Variants in NRP1 observed in about 807,000 individuals in gnomAD.
The protein encoded by NRP1 is neuropilin-1.
Under a neutral mutation model 106.7 loss-of-function variants are expected in NRP1, and 35 were observed. The ratio of observed to expected loss-of-function variants is 0.33; its 90% confidence interval spans 0.25 to 0.43. The LOEUF is 0.43. Ranked by LOEUF, NRP1 falls within the 20% of genes least tolerant of loss-of-function variation. NRP1 has a pLI of 1.00. For synonymous variants in NRP1, 437 were observed against 417.9 expected, an observed-to-expected ratio of 1.05 and a Z score of -0.56; for missense variants, 1,024 against 1,170.4, an observed-to-expected ratio of 0.87 and a Z score of 1.83.
chr10:33,223,897 C>T (rs1839450812), intron 7 of NRP1, among the ~76,000 whole-genome samples: 1 of 152,128 alleles, frequency 6.6e-6, no homozygotes, highest in Non-Finnish European at 1.5e-5. Flanking sequence ...GAGTTGTGTG[C>T]CCTGGTGCAG....
intron 6 of NRP1, among the ~76,000 whole-genome samples, chr10:33,244,208 C>G (rs562295375): frequency 6.6e-6 from 1 of 152,226 alleles, no homozygotes; most frequent in African/African-American, 2.4e-5. Flanking sequence ...TCTGCCAGTT[C>G]TGAAGAACAC....
chr10:33,217,762 G>A (rs1322370580), intron 8 of NRP1, among the ~76,000 whole-genome samples: 1 of 152,126 alleles, frequency 6.6e-6, no homozygotes, highest in Non-Finnish European at 1.5e-5. Flanking sequence ...ATTTCACTTG[G>A]CAGCCTTGTT....
At chr10:33,230,595 ATATGTGTGTGTGTGTGTGTGTG>A (rs1263741149) in intron 6 of NRP1, among the ~76,000 whole-genome samples, 2,030 of 116,770 alleles carry the variant, frequency 0.017, 53 homozygotes, top group African/African-American at 0.072. Context: ...AGTTTCTCAT[ATATGTGTGTGTGTGTGTGTGTG>A]TGTGTGTGTG....
chr10:33,226,097 A>T, intron 7 of NRP1, 37 bp downstream of exon 7: 1 of 1,606,862 alleles, frequency 6.2e-7, no homozygotes, highest in South Asian at 1.1e-5. Flanking sequence ...TCCATTTAAA[A>T]GACCAAATTG....
At chr10:33,216,140 CTTT>C (rs71521489) in intron 8 of NRP1, among the ~76,000 whole-genome samples, 3 of 139,014 alleles carry the variant, frequency 2.2e-5, no homozygotes. Context: ...TTCTTTCTTT[CTTT>C]TTTTTTTTTT....
intron 2 of NRP1, among the ~76,000 whole-genome samples, chr10:33,278,502 T>A (rs1843876972): frequency 6.6e-6 from 1 of 152,102 alleles, no homozygotes; most frequent in African/African-American, 2.4e-5. Context: ...CTTCACTGAC[T>A]GTAAATGGGA....
chr10:33,298,879 A>G (rs1186853254), intron 2 of NRP1, among the ~76,000 whole-genome samples: 1 of 152,170 alleles, frequency 6.6e-6, no homozygotes, highest in Non-Finnish European at 1.5e-5. Context: ...TTGTCAGAAT[A>G]AAAGTTTCAT....
Position 33,314,187 on chromosome 10 carries a change from C to T in NRP1, c.248+16521G>A, listed in dbSNP as rs142008436. 1.8e-4 allele frequency among the ~76,000 whole-genome samples: 27 copies of T among 151,900 alleles called. No homozygotes were observed. The East Asian group carries it at 5.1e-3, about 29-fold the overall frequency. On this transcript the variant is annotated intron_variant, in intron 2 of 16. Coordinates refer to ENST00000374867, the MANE Select transcript of NRP1 (RefSeq NM_003873.7). ...TGCAGCCTTGAACTCCTGGGGTTAC[C>T]GTGATCCTTCCTCCACAGCCTCCCG...
At chr10:33,309,992 G>A (rs111470940) in intron 2 of NRP1, among the ~76,000 whole-genome samples, 2 of 150,614 alleles carry the variant, frequency 1.3e-5, no homozygotes, top group African/African-American at 4.9e-5. Context: ...CTGTCGCCCA[G>A]GCTGGAGTGC....
chr10:33,310,315 A>G (rs955767116), intron 2 of NRP1, among the ~76,000 whole-genome samples: 4 of 128,716 alleles, frequency 3.1e-5, no homozygotes, highest in African/African-American at 1.2e-4. Context: ...CAATGGCACC[A>G]TCTCGGCTCA....
At chr10:33,212,914 G>A (rs767515959) in intron 9 of NRP1, 31 of 308,818 alleles carry the variant, frequency 1.0e-4, no homozygotes, top group South Asian at 1.6e-4. Context: ...CAGACAATCC[G>A]CCCGACTCGG....
intron 3 of NRP1, among the ~76,000 whole-genome samples, chr10:33,265,315 A>G (rs577021872): frequency 2.7e-4 from 41 of 152,252 alleles, no homozygotes; most frequent in African/African-American, 9.4e-4. Context: ...TCAGTTCAAC[A>G]ACTCTTTTCC....
At chr10:33,287,672 G>A (rs1409885049) in intron 2 of NRP1, among the ~76,000 whole-genome samples, 1 of 152,182 alleles carries the variant, frequency 6.6e-6, no homozygotes, top group Non-Finnish European at 1.5e-5. Flanking sequence ...TCTTTAGCCT[G>A]ACTAGTGAGT....
intron 2 of NRP1, among the ~76,000 whole-genome samples, chr10:33,277,096 C>A (rs1284095329): frequency 6.7e-6 from 1 of 149,518 alleles, no homozygotes; most frequent in Non-Finnish European, 1.5e-5. Context: ...CAGATCAAGA[C>A]CCTGTCTCTA....
intron 2 of NRP1, among the ~76,000 whole-genome samples, chr10:33,326,257 G>A (rs1054977698): frequency 6.6e-5 from 10 of 152,272 alleles, no homozygotes; most frequent in Admixed American, 5.9e-4. Flanking sequence ...TGAGATTCAA[G>A]ATGTCTGCCT....
intron 2 of NRP1, among the ~76,000 whole-genome samples, chr10:33,297,438 C>A (rs1845480280): frequency 6.6e-6 from 1 of 152,146 alleles, no homozygotes; most frequent in African/African-American, 2.4e-5. Flanking sequence ...CTCATCCCAG[C>A]AATTTGGGAA....
intron 2 of NRP1, among the ~76,000 whole-genome samples, chr10:33,323,905 C>T (rs1192664291): frequency 1.3e-5 from 2 of 152,114 alleles, no homozygotes; most frequent in Non-Finnish European, 2.9e-5. Flanking sequence ...TGTGCATGCC[C>T]GCTGAAGGCA....
intron 2 of NRP1, among the ~76,000 whole-genome samples, chr10:33,272,701 G>A (rs2133310932): frequency 6.6e-6 from 1 of 152,196 alleles, no homozygotes; most frequent in East Asian, 1.9e-4. Context: ...CATTGACAAG[G>A]CAGGTTTGCA....
rs774875164 is a variant in NRP1 at position 33,249,843 on chromosome 10, G to A, written c.981+4185C>T. Among the ~76,000 whole-genome samples, 5 of 151,904 alleles carry A rather than the reference G, an allele frequency of 3.3e-5. No individual in the cohort carries two copies. In the South Asian group the frequency reaches 8.3e-4, roughly 25 times the overall value. ...GTTTTTAAGCTTTCTGGCAGACAAC[G>A]GATCTCACAGGAAGCTCCAATGTGG... On this transcript the variant is annotated intron_variant, in intron 6 of 16. Transcript: ENST00000374867.
Sources: gnomAD v4.1 joint callset for allele counts (sites outside exome capture counted in the v4.1 genomes callset) on GRCh38, gnomAD v4.1.1 for gene constraint, MANE v1.5 for transcripts, NCBI Gene and HGNC (gene_info 2026-07-23, HGNC 2026-07-21) for gene names.